Variants in HCN1 observed in about 807,000 individuals in gnomAD.
HCN1 encodes the protein potassium/sodium hyperpolarization-activated cyclic nucleotide-gated channel 1.
HCN1 carries 13 observed loss-of-function variants against 78.9 expected under a neutral mutation model. The observed-to-expected ratio is 0.16, with a 90% CI of 0.11 to 0.26. HCN1 has a LOEUF of 0.26. HCN1 is among the 10% of genes least tolerant of loss of function. HCN1 has a pLI of 1.00. For missense variants in HCN1, 810 were observed against 1,154.3 expected, an observed-to-expected ratio of 0.70 and a Z score of 4.32; for synonymous variants, 552 against 455.5, an observed-to-expected ratio of 1.21 and a Z score of -2.70.
chr5:45,615,042 A>G (rs1488689404), intron 2 of HCN1, among the ~76,000 whole-genome samples: 1 of 151,962 alleles, frequency 6.6e-6, no homozygotes, highest in Non-Finnish European at 1.5e-5. Context: ...TTGTCTCTAT[A>G]TCTCAATTGA....
chr5:45,379,136 C>G (rs909535650), intron 4 of HCN1, among the ~76,000 whole-genome samples: 1 of 152,016 alleles, frequency 6.6e-6, no homozygotes, highest in African/African-American at 2.4e-5. Flanking sequence ...GGTATATAAC[C>G]AATAATGGGA....
intron 3 of HCN1, among the ~76,000 whole-genome samples, chr5:45,424,906 A>G (rs1272742391): frequency 6.6e-6 from 1 of 152,190 alleles, no homozygotes; most frequent in Non-Finnish European, 1.5e-5. Context: ...TATATTACAC[A>G]TAGGAAATTA....
intron 1 of HCN1, among the ~76,000 whole-genome samples, chr5:45,677,349 C>A (rs563962786): frequency 6.6e-6 from 1 of 151,728 alleles, no homozygotes; most frequent in Non-Finnish European, 1.5e-5. Flanking sequence ...TGTATTGAAG[C>A]AAATTGCCTA....
chr5:45,496,043 G>A (rs1449799150), intron 2 of HCN1, among the ~76,000 whole-genome samples: 2 of 152,132 alleles, frequency 1.3e-5, no homozygotes, highest in African/African-American at 4.8e-5. Context: ...GTTCATCAAG[G>A]ATATTGGTCT....
chr5:45,406,813 T>C (rs1412346955), intron 3 of HCN1, among the ~76,000 whole-genome samples: 1 of 152,166 alleles, frequency 6.6e-6, no homozygotes, highest in Non-Finnish European at 1.5e-5. Flanking sequence ...AAGGTTTTCA[T>C]TAGAGAAAAA....
intron 6 of HCN1, 121 bp downstream of exon 6, chr5:45,303,478 G>T: frequency 1.1e-6 from 1 of 935,766 alleles, no homozygotes; most frequent in Non-Finnish European, 1.7e-6. Context: ...ACTTTTATCA[G>T]AATTCACATA....
At chr5:45,325,214 A>G (rs548025198) in intron 5 of HCN1, among the ~76,000 whole-genome samples, 1 of 151,868 alleles carries the variant, frequency 6.6e-6, no homozygotes, top group East Asian at 1.9e-4. Context: ...CTGCGGACTC[A>G]TTTATGGTAT....
rs555031209 is a variant in HCN1 at position 45,689,996 on chromosome 5, T to C, written c.425+5673A>G. On this transcript the variant is annotated intron_variant, in intron 1 of 7. Transcript: ENST00000303230. The stretch of plus-strand genomic sequence containing the variant: ...TATTAATTGGTCAAATCAATATGTA[T>C]AGAATCTCTAGAATGTTCATAGGCA... 1.2e-4 allele frequency among the ~76,000 whole-genome samples: 19 copies of C among 152,188 alleles called. 1 individual carries two copies. The South Asian group carries it at 3.3e-3, about 27-fold the overall frequency.
chr5:45,491,822 T>C (rs1741891281), intron 2 of HCN1, among the ~76,000 whole-genome samples: 1 of 152,172 alleles, frequency 6.6e-6, no homozygotes, highest in Admixed American at 6.5e-5. Flanking sequence ...GCAGGGCCTC[T>C]ATAAGAAGGT....
At chr5:45,498,162 A>T (rs1312129637) in intron 2 of HCN1, among the ~76,000 whole-genome samples, 1 of 152,158 alleles carries the variant, frequency 6.6e-6, no homozygotes, top group Non-Finnish European at 1.5e-5. Flanking sequence ...GTTCTCCTGG[A>T]TAATGTCCTG....
At chr5:45,481,768 CATGATGCCACTTATGGCAG>C (rs140663368) in intron 2 of HCN1, among the ~76,000 whole-genome samples, 14,629 of 151,990 alleles carry the variant, frequency 0.096, 948 homozygotes, top group Middle Eastern at 0.16. Flanking sequence ...TTTTCTTTTC[CATGATGCCACTTATGGCAG>C]AGTCAAAGGA....
chr5:45,463,144 C>T (rs1741198760), intron 2 of HCN1, among the ~76,000 whole-genome samples: 1 of 151,378 alleles, frequency 6.6e-6, no homozygotes, highest in South Asian at 2.1e-4. Context: ...AAAAATTATC[C>T]AAAAAATGTA....
At chr5:45,652,869 C>T (rs1343460581) in intron 1 of HCN1, among the ~76,000 whole-genome samples, 1 of 151,968 alleles carries the variant, frequency 6.6e-6, no homozygotes, top group African/African-American at 2.4e-5. Context: ...TATATCTTCC[C>T]TAATACAATA....
intron 6 of HCN1, among the ~76,000 whole-genome samples, chr5:45,270,229 T>C (rs1446827383): frequency 1.3e-5 from 2 of 152,316 alleles, no homozygotes; most frequent in Admixed American, 1.3e-4. Flanking sequence ...CTATATTTCT[T>C]TCTTTTTATT....
intron 5 of HCN1, among the ~76,000 whole-genome samples, chr5:45,352,137 C>G (rs1048724293): frequency 6.6e-6 from 1 of 152,112 alleles, no homozygotes; most frequent in East Asian, 1.9e-4. Flanking sequence ...AAATGTCCAA[C>G]AAGGATAGAC....
intron 6 of HCN1, among the ~76,000 whole-genome samples, chr5:45,286,010 G>T (rs893559687): frequency 1.3e-5 from 2 of 151,736 alleles, no homozygotes; most frequent in Non-Finnish European, 2.9e-5. Context: ...GAACTTCAGA[G>T]TTAAGGAACT....
intron 4 of HCN1, among the ~76,000 whole-genome samples, chr5:45,389,534 A>G (rs1340486607): frequency 1.3e-5 from 2 of 152,148 alleles, no homozygotes; most frequent in African/African-American, 2.4e-5. Flanking sequence ...TACCATGTCT[A>G]CTTGCTCACT....
chr5:45,522,286 AATGT>A (rs1742629774), intron 2 of HCN1, among the ~76,000 whole-genome samples: 1 of 152,030 alleles, frequency 6.6e-6, no homozygotes, highest in Admixed American at 6.6e-5. Context: ...TAAATAATTA[AATGT>A]ATGTGGTCAT....
intron 3 of HCN1, among the ~76,000 whole-genome samples, chr5:45,447,552 T>C (rs1462805932): frequency 1.3e-5 from 2 of 152,194 alleles, no homozygotes; most frequent in African/African-American, 2.4e-5. Context: ...CAGGTTATTA[T>C]TAATATGTTG....
Sources: allele counts gnomAD v4.1 joint callset (sites outside exome capture counted in the v4.1 genomes callset), GRCh38; gene constraint gnomAD v4.1.1; transcripts MANE v1.5; gene names NCBI Gene and HGNC (gene_info 2026-07-23, HGNC 2026-07-21).